Variants in COL8A1 observed in about 807,000 individuals in gnomAD.
COL8A1 encodes collagen type VIII alpha 1 chain, also known as collagen alpha-1(VIII) chain.
Under a neutral mutation model 42.7 loss-of-function variants are expected in COL8A1, and 21 were observed. That is an observed-to-expected ratio of 0.49 (90% CI 0.35 to 0.71). The LOEUF (loss-of-function observed/expected upper bound fraction) is 0.71. COL8A1 is among the 30% of genes least tolerant of loss of function. The probability of loss-of-function intolerance (pLI) is 0.01; values close to 1 mark genes in which losing one functional copy is unlikely to be tolerated. For missense variants in COL8A1, 788 were observed against 962.4 expected, an observed-to-expected ratio of 0.82 and a Z score of 2.40; for synonymous variants, 367 against 369.1, an observed-to-expected ratio of 0.99 and a Z score of 0.06.
chr3:99,726,857 C>A (rs536273627), intron 1 of COL8A1, among the ~76,000 whole-genome samples: 2 of 152,146 alleles, frequency 1.3e-5, no homozygotes, highest in Non-Finnish European at 2.9e-5. Flanking sequence ...ATGCCTCCAG[C>A]TTTGTTCTTT....
At chr3:99,674,186 A>G (rs1227514069) in intron 1 of COL8A1, among the ~76,000 whole-genome samples, 3 of 151,970 alleles carry the variant, frequency 2.0e-5, no homozygotes, top group Non-Finnish European at 4.4e-5. Context: ...ACTTTCATTG[A>G]GACTATTTAT....
intron 1 of COL8A1, among the ~76,000 whole-genome samples, chr3:99,708,532 C>T (rs562516079): frequency 6.0e-5 from 9 of 150,508 alleles, no homozygotes; most frequent in Middle Eastern, 3.4e-3. Flanking sequence ...CCACTTCCTC[C>T]GCCCTTCTTT....
At position 99,718,276 on chromosome 3, in the gene COL8A1, G is replaced by T. The variant is rs1056529271; in HGVS notation, c.-128-26621G>T. 2.0e-5 allele frequency among the ~76,000 whole-genome samples: 3 copies of T among 151,978 alleles called. No individual in the cohort carries two copies. The East Asian group carries it at 5.8e-4, about 29-fold the overall frequency. ...ATGGCCCCTTGAAGACAAGTACCATGGCTTAGGCTTACCAAATTGTTGTGG... is the reference window on the plus strand; with the variant it reads ...ATGGCCCCTTGAAGACAAGTACCATTGCTTAGGCTTACCAAATTGTTGTGG... On this transcript the variant is annotated intron_variant, in intron 1 of 3. Coordinates refer to ENST00000652472, the MANE Select transcript of COL8A1 (RefSeq NM_020351.4).
chr3:99,753,424 A>G (rs1421468936), intron 2 of COL8A1, among the ~76,000 whole-genome samples: 1 of 152,208 alleles, frequency 6.6e-6, no homozygotes, highest in East Asian at 1.9e-4. Context: ...ACAGAATGAA[A>G]GCTTTGCTGA....
rs563915728 is a variant in COL8A1, at chr3:99,737,303, A to C, written c.-128-7594A>C. 8.6e-5 allele frequency among the ~76,000 whole-genome samples: 13 copies of C among 151,236 alleles called. No individual in the cohort carries two copies. The East Asian group carries it at 2.5e-3, about 30-fold the overall frequency. ...AGCTGGTTATGTTGCTCATTAGTTGATGCAGTTTCTTCCTAGTCTCGATGG... is the reference window on the plus strand; with the variant it reads ...AGCTGGTTATGTTGCTCATTAGTTGCTGCAGTTTCTTCCTAGTCTCGATGG... On this transcript the variant is annotated intron_variant, in intron 1 of 3. Transcript: ENST00000652472.
At chr3:99,681,859 A>G (rs79430106) in intron 1 of COL8A1, among the ~76,000 whole-genome samples, 1 of 152,184 alleles carries the variant, frequency 6.6e-6, no homozygotes, top group Non-Finnish European at 1.5e-5. Context: ...CTGTAAAAAA[A>G]GTGTTACCAC....
At chr3:99,762,071 G>A (rs1941376040) in intron 2 of COL8A1, among the ~76,000 whole-genome samples, 1 of 152,096 alleles carries the variant, frequency 6.6e-6, no homozygotes, top group Non-Finnish European at 1.5e-5. Flanking sequence ...AAACTGTCCT[G>A]TTATTGGTTT....
intron 1 of COL8A1, among the ~76,000 whole-genome samples, chr3:99,704,314 T>C (rs1465870240): frequency 6.6e-6 from 1 of 152,126 alleles, no homozygotes; most frequent in Admixed American, 6.5e-5. Context: ...GCCTTAACAC[T>C]TTAAAGGGAA....
At chr3:99,774,507 T>C (rs1241093206) in intron 2 of COL8A1, among the ~76,000 whole-genome samples, 1 of 152,030 alleles carries the variant, frequency 6.6e-6, no homozygotes, top group Admixed American at 6.6e-5. Flanking sequence ...ACATCAAGGA[T>C]TGGAGAGCAG....
At chr3:99,649,522 G>A (rs191881126) in intron 1 of COL8A1, among the ~76,000 whole-genome samples, 1 of 151,942 alleles carries the variant, frequency 6.6e-6, no homozygotes, top group African/African-American at 2.4e-5. Flanking sequence ...ATGTGATTGG[G>A]GTATATCTAG....
intron 1 of COL8A1, among the ~76,000 whole-genome samples, chr3:99,690,812 G>A (rs905520919): frequency 2.0e-5 from 3 of 152,216 alleles, no homozygotes; most frequent in African/African-American, 7.2e-5. Flanking sequence ...TTAGCAAACA[G>A]GATATTTTCC....
At chr3:99,702,861 G>A (rs1019637574) in intron 1 of COL8A1, among the ~76,000 whole-genome samples, 5 of 152,204 alleles carry the variant, frequency 3.3e-5, no homozygotes, top group Non-Finnish European at 7.3e-5. Flanking sequence ...GTTAGGTGGA[G>A]TTGCTTTTTT....
intron 2 of COL8A1, among the ~76,000 whole-genome samples, chr3:99,767,087 T>C (rs1280095376): frequency 1.3e-5 from 2 of 152,254 alleles, no homozygotes; most frequent in Non-Finnish European, 2.9e-5. Context: ...AGTGTAGTAC[T>C]GTGACACCTT....
intron 1 of COL8A1, among the ~76,000 whole-genome samples, chr3:99,676,368 A>T (rs2107318424): frequency 6.6e-6 from 1 of 152,282 alleles, no homozygotes. Context: ...CATTACAAGA[A>T]AGGAAAATAG....
At chr3:99,714,798 A>T (rs985647096) in intron 1 of COL8A1, among the ~76,000 whole-genome samples, 2 of 152,118 alleles carry the variant, frequency 1.3e-5, no homozygotes, top group African/African-American at 4.8e-5. Flanking sequence ...AATAAATAAA[A>T]TTTTTCAGAT....
At chr3:99,735,136 C>T (rs546430191) in intron 1 of COL8A1, among the ~76,000 whole-genome samples, 7 of 143,016 alleles carry the variant, frequency 4.9e-5, no homozygotes, top group Non-Finnish European at 9.1e-5. Flanking sequence ...ATTGAATACC[C>T]TTTATTTCCT....
intron 1 of COL8A1, among the ~76,000 whole-genome samples, chr3:99,698,632 A>G (rs1939446772): frequency 6.6e-6 from 1 of 152,234 alleles, no homozygotes; most frequent in African/African-American, 2.4e-5. Flanking sequence ...AATATACACA[A>G]TTAGAAGCTA....
intron 1 of COL8A1, among the ~76,000 whole-genome samples, chr3:99,640,878 T>A (rs938300767): frequency 6.6e-6 from 1 of 152,134 alleles, no homozygotes; most frequent in African/African-American, 2.4e-5. Context: ...TATAGCTGCC[T>A]CTTGATCAAG....
chr3:99,707,443 C>T (rs149677930), intron 1 of COL8A1, among the ~76,000 whole-genome samples: 6 of 152,254 alleles, frequency 3.9e-5, no homozygotes, highest in Non-Finnish European at 7.3e-5. Flanking sequence ...AGCTTCAAAC[C>T]CTCAGTTAGC....
Sources: allele counts gnomAD v4.1 joint callset (sites outside exome capture counted in the v4.1 genomes callset), GRCh38; gene constraint gnomAD v4.1.1; transcripts MANE v1.5; gene names NCBI Gene and HGNC (gene_info 2026-07-23, HGNC 2026-07-21).